Variants in TYW1 observed in about 807,000 individuals in gnomAD.
The protein encoded by TYW1 is tRNA-yW synthesizing protein 1 homolog, also known as S-adenosyl-L-methionine-dependent tRNA 4-demethylwyosine synthase TYW1.
A neutral mutation model predicts 96.2 loss-of-function variants in TYW1; 46 were observed. The ratio of observed to expected loss-of-function variants is 0.48; its 90% CI spans 0.38 to 0.61. The LOEUF (loss-of-function observed/expected upper bound fraction) is 0.61. Ranked by LOEUF, TYW1 falls within the 20% of genes least tolerant of loss-of-function variation. The pLI, the probability that TYW1 is intolerant of heterozygous loss-of-function variation, is 0.00. For synonymous variants in TYW1, 274 were observed against 323.0 expected, an observed-to-expected ratio of 0.85 and a Z score of 1.63; for missense variants, 684 against 909.6, an observed-to-expected ratio of 0.75 and a Z score of 3.19.
chr7:67,194,495 G>A (rs1363163810), intron 14 of TYW1, among the ~76,000 whole-genome samples: 1 of 152,058 alleles, frequency 6.6e-6, no homozygotes, highest in Admixed American at 6.6e-5. Flanking sequence ...CATGGTGGCA[G>A]GCGCCTGTAA....
At chr7:67,042,092 TTA>T (rs1203228847) in intron 7 of TYW1, among the ~76,000 whole-genome samples, 1 of 147,400 alleles carries the variant, frequency 6.8e-6, no homozygotes, top group Non-Finnish European at 1.5e-5. Flanking sequence ...TATATAACAA[TTA>T]TATAATTAGA....
intron 5 of TYW1, among the ~76,000 whole-genome samples, 164 bp downstream of exon 5, chr7:67,014,725 T>C (rs1431357045): frequency 6.6e-6 from 1 of 152,212 alleles, no homozygotes; most frequent in Non-Finnish European, 1.5e-5. Flanking sequence ...ATTTCTTCTA[T>C]TATTTTATTA....
chr7:67,071,619 AT>A (rs150643764), intron 10 of TYW1, among the ~76,000 whole-genome samples: 20 of 147,578 alleles, frequency 1.4e-4, no homozygotes, highest in East Asian at 4.0e-4. Flanking sequence ...TACCTGGCTA[AT>A]TTTTTTTTTC....
intron 15 of TYW1, among the ~76,000 whole-genome samples, chr7:67,204,424 T>C (rs28808071): frequency 0.25 from 38,141 of 151,876 alleles, 4,976 homozygotes; most frequent in African/African-American, 0.3. Flanking sequence ...AAAATTTCCA[T>C]TTGATTATTT....
At position 67,018,163 on chromosome 7, in the gene TYW1, A is replaced by G; in HGVS notation, c.861+20A>G. Reference sequence around the variant, plus strand: ...ACCGAGGTATACCGCCTGTGTGTTCATCTCTCGAGGCTTTCCTCTTCTGCT... The same window carrying G: ...ACCGAGGTATACCGCCTGTGTGTTCGTCTCTCGAGGCTTTCCTCTTCTGCT... On this transcript the variant is annotated intron_variant, in intron 6 of 15. Coordinates refer to ENST00000359626, the MANE Select transcript of TYW1 (RefSeq NM_018264.4). The G allele has an allele frequency of 1.2e-6, 2 of 1,603,114 alleles. No individual in the cohort carries two copies. Among genetic ancestry groups the G allele is most frequent in the East Asian group, 2.2e-5 (1 of 44,624 alleles).
intron 13 of TYW1, among the ~76,000 whole-genome samples, chr7:67,160,147 G>A (rs10253339): frequency 0.28 from 42,735 of 151,986 alleles, 6,518 homozygotes; most frequent in African/African-American, 0.4. Context: ...AGTGCCTGTA[G>A]TCTTACCGGG....
chr7:67,157,246 A>G (rs995420653), intron 13 of TYW1, among the ~76,000 whole-genome samples: 1 of 152,150 alleles, frequency 6.6e-6, no homozygotes, highest in African/African-American at 2.4e-5. Flanking sequence ...AACGTTTTAC[A>G]TTACTATGGT....
chr7:66,997,213 C>G (rs952503028), intron 1 of TYW1, among the ~76,000 whole-genome samples: 24 of 152,278 alleles, frequency 1.6e-4, no homozygotes, highest in African/African-American at 5.1e-4. Context: ...CCCACTTTAC[C>G]TACGTGTATT....
chr7:67,145,276 G>T (rs1798574145), intron 13 of TYW1, among the ~76,000 whole-genome samples: 1 of 149,608 alleles, frequency 6.7e-6, no homozygotes, highest in East Asian at 2.0e-4. Context: ...AGCCTCCCGT[G>T]TAGCTGGGAC....
chr7:67,164,961 A>T (rs543610254), intron 13 of TYW1, among the ~76,000 whole-genome samples: 1 of 151,110 alleles, frequency 6.6e-6, no homozygotes, highest in East Asian at 1.9e-4. Context: ...TCCATAGGCT[A>T]CATTTTTAGA....
chr7:67,082,737 C>T (rs1278972754), intron 10 of TYW1, among the ~76,000 whole-genome samples: 3 of 151,982 alleles, frequency 2.0e-5, no homozygotes, highest in Non-Finnish European at 2.9e-5. Context: ...TGCTGTACTG[C>T]GCTGCCTGTT....
intron 13 of TYW1, among the ~76,000 whole-genome samples, chr7:67,139,553 C>G (rs1798375284): frequency 6.6e-6 from 1 of 152,078 alleles, no homozygotes; most frequent in Non-Finnish European, 1.5e-5. Context: ...TCTACAGTTA[C>G]CATCCTGCAG....
chr7:67,132,318 C>T (rs1297832180), intron 13 of TYW1, among the ~76,000 whole-genome samples: 2 of 151,722 alleles, frequency 1.3e-5, no homozygotes, highest in African/African-American at 4.9e-5. Flanking sequence ...CTGTGTTGCT[C>T]AGGTTGGTCT....
At chr7:67,172,436 T>TTTTTTTTTTTTTTTA (rs1411433259) in intron 13 of TYW1, among the ~76,000 whole-genome samples, 2 of 151,018 alleles carry the variant, frequency 1.3e-5, no homozygotes, top group African/African-American at 2.4e-5. Flanking sequence ...CATTCTTTTT[T>TTTTTTTTTTTTTTTA]TTGAGATGGA....
chr7:66,998,922 A>T lies in TYW1; in HGVS notation c.241A>T (p.Ile81Phe). Residue 81 changes from isoleucine (I) to phenylalanine (F), a missense_variant, in exon 3 of 16, where the codon ATT (isoleucine) becomes TTT (phenylalanine). Ile to Phe is a conservative substitution (Grantham distance 21, BLOSUM62 0). Coordinates refer to ENST00000359626, the MANE Select transcript of TYW1 (RefSeq NM_018264.4). ...AGACATCTTTGTGTCTGGAGTGAAG[A>T]TTTTTTATGGTTCTCAGACTGGAAC... ...EKDIFVSGVK[I>F]FYGSQTGTAK... 1 of 1,614,106 alleles carries T rather than the reference A, an allele frequency of 6.2e-7. No individual in the cohort carries two copies. The highest frequency in any genetic ancestry group is 8.5e-7 in the Non-Finnish European group (1 of 1,179,998).
intron 13 of TYW1, among the ~76,000 whole-genome samples, chr7:67,180,939 C>T (rs1163879095): frequency 2.6e-5 from 4 of 152,058 alleles, no homozygotes; most frequent in African/African-American, 2.4e-5. Flanking sequence ...CCACTGCGTC[C>T]GGCCCCTCCA....
At chr7:67,053,380 CTTTT>C (rs35828058) in intron 8 of TYW1, among the ~76,000 whole-genome samples, 2 of 134,386 alleles carry the variant, frequency 1.5e-5, no homozygotes, top group Non-Finnish European at 1.6e-5. Context: ...TAGTTTGTTT[CTTTT>C]TTTTTTTTTT....
intron 15 of TYW1, among the ~76,000 whole-genome samples, chr7:67,235,893 C>CAAAAAAAAAA (rs548873963): frequency 2.2e-4 from 15 of 69,500 alleles, no homozygotes; most frequent in South Asian, 1.0e-3. Flanking sequence ...GACTCTGTCT[C>CAAAAAAAAAA]AAAAAAAAAA....
At chr7:67,156,939 A>T (rs1024473479) in intron 13 of TYW1, among the ~76,000 whole-genome samples, 10 of 151,490 alleles carry the variant, frequency 6.6e-5, no homozygotes, top group African/African-American at 2.2e-4. Flanking sequence ...AGTGGTGGGG[A>T]TGTGGGCCAC....
Sources: gnomAD v4.1 joint callset for allele counts (sites outside exome capture counted in the v4.1 genomes callset) on GRCh38, gnomAD v4.1.1 for gene constraint, MANE v1.5 for transcripts, NCBI Gene and HGNC (gene_info 2026-07-23, HGNC 2026-07-21) for gene names.